The following MYLK4 variants were observed in gnomAD, a reference collection of about 807,000 sequenced individuals.
MYLK4 encodes the protein caMLCK like.
In MYLK4, 46 loss-of-function variants were observed where a neutral mutation model predicts 48.1. That is an observed-to-expected ratio of 0.96 (90% confidence interval 0.75 to 1.22). The LOEUF (loss-of-function observed/expected upper bound fraction) is 1.22. Among genes scored for constraint, MYLK4 ranks in the 50% most tolerant of loss-of-function variants. The pLI is 0.00. For synonymous variants in MYLK4, 170 were observed against 180.8 expected (o/e 0.94, Z 0.48); for missense variants, 451 against 486.1 (o/e 0.93, Z 0.68).
chr6:2,737,820 C>T (rs914383874), intron 2 of MYLK4, among the ~76,000 whole-genome samples: 1 of 151,662 alleles, frequency 6.6e-6, no homozygotes, highest in African/African-American at 2.4e-5. Flanking sequence ...AGACAATATG[C>T]CCTATAAATT....
rs181120238 is a variant in MYLK4, at chr6:2,673,830, T to C, written c.1119+1217A>G. 8.9e-4 allele frequency among the ~76,000 whole-genome samples: 135 copies of C among 152,292 alleles called. 1 individual carries two copies. The highest frequency in any genetic ancestry group is 3.1e-3 in the African/African-American group (128 of 41,566). On this transcript the variant is annotated intron_variant, in intron 11 of 12. Transcript: ENST00000274643. The surrounding 1 kb of genome is among the most constrained non-coding windows in gnomAD (Gnocchi z 4.2). The stretch of plus-strand genomic sequence containing the variant: ...GGCATGTCCCAGGCCACGGTCACCA[T>C]GGGAATGGAGAGAAACAGACAGCTT...
At chr6:2,770,221 T>C in the MYLK4 span, 3,334 of 1,614,184 alleles carry the variant, frequency 2.1e-3, 119 homozygotes, top group Admixed American at 0.054. Context: ...TGAGCCGCTG[T>C]CGAGTGATTG....
chr6:2,749,087 A>G, intron 2 of MYLK4, 49 bp downstream of exon 2: 1 of 1,551,864 alleles, frequency 6.4e-7, no homozygotes, highest in Non-Finnish European at 8.8e-7. Context: ...ATTAGAAAAG[A>G]TAAGATAGAA....
At chr6:2,723,546 G>A (rs1014952476) in intron 2 of MYLK4, among the ~76,000 whole-genome samples, 1 of 152,240 alleles carries the variant, frequency 6.6e-6, no homozygotes, top group South Asian at 2.1e-4. Context: ...TCTCGCCCTC[G>A]CTGGCACCCC....
intron 2 of MYLK4, among the ~76,000 whole-genome samples, chr6:2,730,148 C>T (rs188672631): frequency 3.3e-4 from 51 of 152,296 alleles, no homozygotes; most frequent in Admixed American, 3.1e-3. Flanking sequence ...ATGGAGCTGC[C>T]CTTTGGGGAG....
chr6:2,733,167 C>A (rs954547708), intron 2 of MYLK4, among the ~76,000 whole-genome samples: 9 of 152,176 alleles, frequency 5.9e-5, no homozygotes, highest in African/African-American at 2.2e-4. Context: ...TTTGCTACTT[C>A]AACCACATAT....
At chr6:2,681,909 A>G (rs1223551031) in intron 7 of MYLK4, among the ~76,000 whole-genome samples, 3 of 152,246 alleles carry the variant, frequency 2.0e-5, no homozygotes, top group Non-Finnish European at 2.9e-5. Flanking sequence ...CAGAATATCT[A>G]CATTCAATGA....
rs184837130 is a variant in MYLK4, at chr6:2,718,959, A to T, written c.160-26100T>A. 7.9e-5 allele frequency among the ~76,000 whole-genome samples: 12 copies of T among 152,356 alleles called. No individual in the cohort carries two copies. The East Asian group carries it at 2.3e-3, about 29-fold the overall frequency. Reference sequence around the variant, plus strand: ...AGAAGTCACGAGTCTCCTTTGATCCATAAAGTAACTTTCTAAGGCCAGTTA... The same window carrying T: ...AGAAGTCACGAGTCTCCTTTGATCCTTAAAGTAACTTTCTAAGGCCAGTTA... On this transcript the variant is annotated intron_variant, in intron 2 of 12. Coordinates refer to ENST00000274643, the MANE Select transcript of MYLK4 (RefSeq NM_001012418.5).
At chr6:2,719,527 T>C (rs75474512) in intron 2 of MYLK4, among the ~76,000 whole-genome samples, 148 of 152,364 alleles carry the variant, frequency 9.7e-4, no homozygotes, top group African/African-American at 3.3e-3. Context: ...TAATTTACTA[T>C]TAACTGTCTG....
At chr6:2,692,758 A>T (rs1480880866) in intron 3 of MYLK4, 26 bp downstream of exon 3, 41 of 1,606,452 alleles carry the variant, frequency 2.6e-5, no homozygotes, top group Non-Finnish European at 3.2e-5. Flanking sequence ...TTCATCCATA[A>T]CTATCTACTT....
the MYLK4 span, among the ~76,000 whole-genome samples, chr6:2,763,305 G>A: frequency 6.6e-6 from 1 of 152,238 alleles, no homozygotes; most frequent in Non-Finnish European, 1.5e-5. Context: ...CTGCAGTATA[G>A]AGTTGCTTGC....
At chr6:2,751,630 C>T (rs1303454966), upstream of MYLK4, among the ~76,000 whole-genome samples, 3 of 152,112 alleles carry the variant, frequency 2.0e-5, no homozygotes, top group African/African-American at 7.2e-5. Context: ...TCTTGAAAAC[C>T]CTGCAATTTT....
chr6:2,692,639 AAAAGGG>A, intron 3 of MYLK4, 139 bp downstream of exon 3: 1 of 551,394 alleles, frequency 1.8e-6, no homozygotes. Context: ...CAAAAAAAAA[AAAAGGG>A]GGGGGGGGGC....
chr6:2,762,098 C>G, the MYLK4 span, among the ~76,000 whole-genome samples: 2 of 152,062 alleles, frequency 1.3e-5, no homozygotes, highest in Non-Finnish European at 2.9e-5. Flanking sequence ...TTTTAGTAGA[C>G]AGGGTTTCAC....
chr6:2,684,394 G>T (rs921020486), intron 6 of MYLK4, among the ~76,000 whole-genome samples: 1 of 152,170 alleles, frequency 6.6e-6, no homozygotes, highest in Non-Finnish European at 1.5e-5. Flanking sequence ...ATATTTTGGG[G>T]CCTTGGGTAA....
chr6:2,766,296 A>C, the MYLK4 span: 1 of 1,606,180 alleles, frequency 6.2e-7, no homozygotes, highest in Non-Finnish European at 8.5e-7. Flanking sequence ...CTACAGGGCA[A>C]GCCGCTGGCC....
upstream of MYLK4, among the ~76,000 whole-genome samples, chr6:2,751,773 ATTCCATGTGAAATAAAAATACATATTT>A (rs1340210397): frequency 6.6e-6 from 1 of 152,208 alleles, no homozygotes; most frequent in Non-Finnish European, 1.5e-5. Flanking sequence ...AGATCGATGC[ATTCCATGTGAAATAAAAATACATATTT>A]TTCCATTTTA....
At chr6:2,768,029 A>G in the MYLK4 span, among the ~76,000 whole-genome samples, 2 of 152,192 alleles carry the variant, frequency 1.3e-5, no homozygotes, top group East Asian at 3.8e-4. Flanking sequence ...TAATAACAAC[A>G]TTCATATTAA....
intron 2 of MYLK4, among the ~76,000 whole-genome samples, chr6:2,723,780 G>T (rs1450884137): frequency 6.6e-6 from 1 of 152,016 alleles, no homozygotes; most frequent in East Asian, 1.9e-4. Context: ...ACTATTTCTG[G>T]GATCTAAGAC....
Sources: allele counts gnomAD v4.1 joint callset (sites outside exome capture counted in the v4.1 genomes callset), GRCh38; gene constraint gnomAD v4.1.1; non-coding constraint Gnocchi (gnomAD v3.1); transcripts MANE v1.5; gene names NCBI Gene and HGNC (gene_info 2026-07-23, HGNC 2026-07-21).